The following TANC1 variants were observed in gnomAD, a reference collection of about 807,000 sequenced individuals.
TANC1 encodes protein TANC1.
In TANC1, 77 loss-of-function variants were observed where a neutral mutation model predicts 149.7. The ratio of observed to expected loss-of-function variants is 0.51; its 90% CI spans 0.43 to 0.62. The LOEUF (loss-of-function observed/expected upper bound fraction) is 0.62, where lower values mean the gene tolerates loss of function less well. Among genes scored for constraint, TANC1 ranks in the 20% least tolerant of loss-of-function variants. The pLI is 0.00. For missense variants in TANC1, 1,985 were observed against 2,321.8 expected (o/e 0.85, Z 2.98); for synonymous variants, 854 against 925.0 (o/e 0.92, Z 1.39).
rs368479062 is a variant in TANC1, at chr2:159,169,312, C to T, written c.1009C>T (p.Arg337Trp). The change falls in exon 9 of 27, where the codon CGG (arginine) becomes TGG (tryptophan). Residue 337 changes from arginine (R) to tryptophan (W), a missense_variant. By Grantham distance (101) the Arg-to-Trp change is moderately radical. Around this residue, in one of 3 missense-constraint regions of TANC1, gnomAD observed 557 missense variants for 612.9 expected, o/e 0.91. Coordinates refer to ENST00000263635, the MANE Select transcript of TANC1 (RefSeq NM_033394.3). ...YLDGQRNAPL[R>W]TSIRLPWHNT... ...AGACGGGCAGAGAAATGCTCCTCTA[C>T]GGACGTCAATTAGATTACCATGGCA... 1.2e-5 allele frequency: 19 copies of T among 1,613,366 alleles called. No homozygotes were observed. The highest frequency in any genetic ancestry group is 1.6e-4 in the Middle Eastern group (1 of 6,082).
At chr2:159,140,482 A>G (rs2051236550) in intron 5 of TANC1, among the ~76,000 whole-genome samples, 1 of 152,122 alleles carries the variant, frequency 6.6e-6, no homozygotes, top group South Asian at 2.1e-4. Flanking sequence ...TTCCTTGAAT[A>G]AGTATTCAGT....
intron 1 of TANC1, among the ~76,000 whole-genome samples, chr2:158,991,059 T>G (rs1294594515): frequency 8.4e-6 from 1 of 119,104 alleles, no homozygotes; most frequent in Admixed American, 1.1e-4. Context: ...GCCACTGCAC[T>G]CCAACCTGGG....
intron 4 of TANC1, among the ~76,000 whole-genome samples, chr2:159,131,149 G>A (rs1487156952): frequency 6.6e-6 from 1 of 152,090 alleles, no homozygotes; most frequent in Non-Finnish European, 1.5e-5. Context: ...GCTGGGGGCT[G>A]GGGGTGGGAG....
chr2:159,169,421 A>G, intron 9 of TANC1, 49 bp downstream of exon 9: 3 of 1,593,726 alleles, frequency 1.9e-6, no homozygotes, highest in Non-Finnish European at 2.6e-6. Context: ...TAACTCAGTC[A>G]GTAACTTTGA....
intron 2 of TANC1, among the ~76,000 whole-genome samples, chr2:159,012,462 A>G (rs1009483170): frequency 1.3e-5 from 2 of 150,846 alleles, no homozygotes; most frequent in African/African-American, 4.9e-5. Flanking sequence ...GAGATGGTGG[A>G]TAGATGGAAG....
rs189924521 is a variant in TANC1 at position 159,201,071 on chromosome 2, A to G, written c.3244+2018A>G. Among the ~76,000 whole-genome samples the G allele has an allele frequency of 2.0e-5, 3 of 152,342 alleles. No individual in the cohort carries two copies. In the East Asian group the frequency reaches 5.8e-4, roughly 29 times the overall value. On this transcript the variant is annotated intron_variant, in intron 19 of 26. Transcript: ENST00000263635. Reference sequence around the variant, plus strand: ...AGTGCTGTTTTTCAGGCTTAGCCACAGTGGCTTTCTGTGGACTGCATGTCA... The same window carrying G: ...AGTGCTGTTTTTCAGGCTTAGCCACGGTGGCTTTCTGTGGACTGCATGTCA...
At chr2:159,182,207 C>CAA (rs11437110) in intron 14 of TANC1, among the ~76,000 whole-genome samples, 1,804 of 149,806 alleles carry the variant, frequency 0.012, 26 homozygotes, top group Non-Finnish European at 0.014. Flanking sequence ...AAAACTGTCT[C>CAA]AAAAAAAAAG....
chr2:159,087,391 T>G (rs934212342), intron 3 of TANC1, among the ~76,000 whole-genome samples: 1 of 152,044 alleles, frequency 6.6e-6, no homozygotes, highest in African/African-American at 2.4e-5. Context: ...TATAATAGCC[T>G]GGTGCAGTTT....
intron 22 of TANC1, among the ~76,000 whole-genome samples, chr2:159,223,667 A>G (rs968813429): frequency 8.5e-5 from 13 of 152,322 alleles, no homozygotes; most frequent in Non-Finnish European, 2.9e-5. Flanking sequence ...GACAGCTATT[A>G]TATCACATCA....
At chr2:159,090,210 G>A (rs964756995) in intron 3 of TANC1, among the ~76,000 whole-genome samples, 7 of 152,116 alleles carry the variant, frequency 4.6e-5, no homozygotes, top group Non-Finnish European at 7.3e-5. Flanking sequence ...TAATGTGTGT[G>A]CCTACATACA....
intron 2 of TANC1, among the ~76,000 whole-genome samples, chr2:159,046,842 G>A (rs895974243): frequency 3.3e-5 from 5 of 151,762 alleles, no homozygotes; most frequent in African/African-American, 7.3e-5. Context: ...GAGTTCTAGC[G>A]ATCCACTTGC....
chr2:159,119,765 G>C (rs1034102766), intron 4 of TANC1, among the ~76,000 whole-genome samples: 1 of 152,144 alleles, frequency 6.6e-6, no homozygotes, highest in African/African-American at 2.4e-5. Context: ...CCCTCTCACT[G>C]ATGTCACAGG....
intron 19 of TANC1, 138 bp from the exon 20 acceptor site, chr2:159,217,359 C>G: frequency 9.0e-7 from 1 of 1,106,244 alleles, no homozygotes; most frequent in Non-Finnish European, 1.3e-6. Context: ...TCAAAGCTGT[C>G]ACAGAGCCCC....
intron 1 of TANC1, among the ~76,000 whole-genome samples, chr2:158,974,650 C>A (rs1450356553): frequency 6.6e-6 from 1 of 152,168 alleles, no homozygotes; most frequent in African/African-American, 2.4e-5. Flanking sequence ...CCAGGCTGGT[C>A]TTGAACTCCT....
chr2:158,994,141 T>C lies in TANC1; in HGVS notation c.-125-6939T>C, dbSNP rs531276862. Among the ~76,000 whole-genome samples, 15 of 152,322 alleles carry C rather than the reference T, an allele frequency of 9.8e-5. No individual in the cohort carries two copies. In the East Asian group the frequency reaches 1.9e-3, roughly 20 times the overall value. ...TCAACGGATCCTAATCTTTTTTATT[T>C]CCTGGTTTCTGAATCATAGAATTGT... On this transcript the variant is annotated intron_variant, in intron 1 of 26. Transcript: ENST00000263635.
intron 7 of TANC1, 26 bp from the exon 8 acceptor site, chr2:159,163,257 C>T: frequency 6.2e-7 from 1 of 1,603,644 alleles, no homozygotes; most frequent in Non-Finnish European, 8.5e-7. Flanking sequence ...TGGCCTCCTT[C>T]AAAGTATTTT....
chr2:159,135,198 T>G (rs548602393), intron 4 of TANC1, among the ~76,000 whole-genome samples: 32 of 152,374 alleles, frequency 2.1e-4, no homozygotes, highest in Admixed American at 1.7e-3. Flanking sequence ...TGGAATCATG[T>G]AGATCCTTTG....
In TANC1 at chr2:159,225,622, A is replaced by T. The variant is rs533081111; in HGVS notation, c.3812-66A>T. 7.5e-5 allele frequency: 98 copies of T among 1,308,518 alleles called. No homozygotes were observed. In the African/African-American group the frequency reaches 1.2e-3, roughly 16 times the overall value. The allele number at this position is 1,308,518 out of a possible 1,614,324, so 81.1% of individuals were successfully genotyped here. ...GGTGCTGACCTCCAGCCGTGGGGCCACGGAGGAATTGGGATCCTTTCCGCA... is the reference window on the plus strand; with the variant it reads ...GGTGCTGACCTCCAGCCGTGGGGCCTCGGAGGAATTGGGATCCTTTCCGCA... On this transcript the variant is annotated intron_variant, in intron 23 of 26. Transcript: ENST00000263635.
intron 24 of TANC1, chr2:159,227,284 A>G (rs1324327464): frequency 1.3e-5 from 2 of 152,718 alleles, no homozygotes; most frequent in East Asian, 1.9e-4. Flanking sequence ...GACTGAGCAA[A>G]TGGATTTTTT....
Sources: gnomAD v4.1 joint callset for allele counts (sites outside exome capture counted in the v4.1 genomes callset) on GRCh38, gnomAD v4.1.1 for gene constraint, gnomAD v4.1.1 regional missense constraint, MANE v1.5 for transcripts, NCBI Gene and HGNC (gene_info 2026-07-23, HGNC 2026-07-21) for gene names.